SCFD2: variants seen among roughly 807,000 people sequenced by gnomAD.
The protein encoded by SCFD2 is sec1 family domain-containing protein 2.
SCFD2 carries 54 observed loss-of-function variants against 58.9 expected under a neutral mutation model. That is an observed-to-expected ratio of 0.92 (90% confidence interval 0.74 to 1.15). SCFD2 has a LOEUF of 1.15. SCFD2 is among the 50% of genes most tolerant of loss of function. The pLI is 0.00. For synonymous variants in SCFD2, 321 were observed against 335.9 expected (o/e 0.96, Z 0.49); for missense variants, 805 against 836.6 (o/e 0.96, Z 0.47).
intron 4 of SCFD2, among the ~76,000 whole-genome samples, chr4:53,207,514 ATT>A (rs1728451392): frequency 4.5e-5 from 2 of 44,522 alleles, no homozygotes; most frequent in South Asian, 9.0e-4. Context: ...TATTATATAT[ATT>A]ATATATATAA....
intron 4 of SCFD2, among the ~76,000 whole-genome samples, chr4:53,250,696 C>T (rs9684281): frequency 0.011 from 1,625 of 152,244 alleles, 33 homozygotes; most frequent in East Asian, 0.05. Context: ...TTGAAACCAA[C>T]GACAACAAAG....
intron 4 of SCFD2, among the ~76,000 whole-genome samples, chr4:53,251,548 C>T (rs539774347): frequency 1.3e-5 from 2 of 152,270 alleles, no homozygotes; most frequent in African/African-American, 4.8e-5. Flanking sequence ...ATCAAATGGG[C>T]TTCATCCCTG....
chr4:53,009,748 A>G (rs1347198381), intron 5 of SCFD2, among the ~76,000 whole-genome samples: 3 of 152,092 alleles, frequency 2.0e-5, no homozygotes, highest in Admixed American at 2.0e-4. Context: ...GAGCTCTCCC[A>G]CTATCACCCC....
At chr4:53,360,783 G>A (rs891350346) in intron 1 of SCFD2, among the ~76,000 whole-genome samples, 9 of 152,136 alleles carry the variant, frequency 5.9e-5, no homozygotes, top group African/African-American at 2.2e-4. Flanking sequence ...TGTATTTGAG[G>A]AATACCTCAA....
At chr4:53,254,456 G>T (rs1289662393) in intron 4 of SCFD2, among the ~76,000 whole-genome samples, 1 of 151,868 alleles carries the variant, frequency 6.6e-6, no homozygotes, top group Non-Finnish European at 1.5e-5. Context: ...ATGTGGAACT[G>T]TGAGTCAATT....
intron 2 of SCFD2, among the ~76,000 whole-genome samples, 167 bp downstream of exon 2, chr4:53,352,431 G>A (rs76566056): frequency 0.018 from 2,729 of 152,226 alleles, 85 homozygotes; most frequent in African/African-American, 0.062. Flanking sequence ...TAGTGGATGT[G>A]GTTATTTCAA....
At chr4:52,932,729 G>T (rs1720027665) in intron 5 of SCFD2, among the ~76,000 whole-genome samples, 1 of 151,866 alleles carries the variant, frequency 6.6e-6, no homozygotes, top group African/African-American at 2.4e-5. Flanking sequence ...ATCAAATGAG[G>T]CCCCCACTTT....
At chr4:53,049,121 A>T (rs1252915277) in intron 5 of SCFD2, among the ~76,000 whole-genome samples, 1 of 152,190 alleles carries the variant, frequency 6.6e-6, no homozygotes, top group Non-Finnish European at 1.5e-5. Context: ...GTTTAACACA[A>T]GAGACTTCAC....
At chr4:53,267,598 G>A (rs1017134912) in intron 4 of SCFD2, among the ~76,000 whole-genome samples, 1 of 152,084 alleles carries the variant, frequency 6.6e-6, no homozygotes, top group Non-Finnish European at 1.5e-5. Flanking sequence ...AGATTGGGCG[G>A]AGGCAAAGGG....
chr4:53,346,930 C>T (rs1260099607), intron 2 of SCFD2, among the ~76,000 whole-genome samples: 3 of 152,140 alleles, frequency 2.0e-5, no homozygotes, highest in Admixed American at 1.3e-4. Flanking sequence ...TTTTTAATAA[C>T]AAATAACTTT....
chr4:52,948,564 C>T (rs1720501908), intron 5 of SCFD2: 1 of 455,848 alleles, frequency 2.2e-6, no homozygotes, highest in Non-Finnish European at 4.4e-6. Flanking sequence ...TAAGTCAGTG[C>T]TAATATTCTG....
intron 7 of SCFD2, among the ~76,000 whole-genome samples, chr4:52,898,365 T>C (rs2109460932): frequency 6.6e-6 from 1 of 152,354 alleles, no homozygotes; most frequent in African/African-American, 2.4e-5. Flanking sequence ...TTTGTTCTCA[T>C]TGGTTTCAAA....
chr4:53,363,324 T>A (rs1734599912), intron 1 of SCFD2, among the ~76,000 whole-genome samples: 1 of 151,812 alleles, frequency 6.6e-6, no homozygotes, highest in African/African-American at 2.4e-5. Context: ...AATTTTTAAA[T>A]TTTCTGTAGA....
intron 3 of SCFD2, among the ~76,000 whole-genome samples, chr4:53,300,368 C>G (rs1282067080): frequency 1.3e-5 from 2 of 152,070 alleles, no homozygotes; most frequent in African/African-American, 4.8e-5. Context: ...TTACATAAGG[C>G]TAAAGGTATC....
Position 52,952,449 on chromosome 4 carries a change from G to A in SCFD2, c.1562-31579C>T, listed in dbSNP as rs2109531647. On this transcript the variant is annotated intron_variant, in intron 5 of 8. Transcript: ENST00000401642. ...GAATAGCTTCAGACTTGGCACCTTA[G>A]AAAGGCTGACAGCTCCTGAGAGAGA... Among the ~76,000 whole-genome samples the A allele has an allele frequency of 1.3e-5, 2 of 152,208 alleles. 1 individual carries two copies. Among genetic ancestry groups the A allele is most frequent in the South Asian group, 4.2e-4 (2 of 4,818 alleles).
chr4:53,338,569 A>ATTTTTCT lies in SCFD2; in HGVS notation c.1007+14022_1007+14028dup, dbSNP rs1733751794. On this transcript the variant is annotated intron_variant, in intron 2 of 8. Coordinates refer to ENST00000401642, the MANE Select transcript of SCFD2 (RefSeq NM_152540.4). Reference sequence around the variant, plus strand: ...GATGGAGGCCAAAAGAAAGCAGTATATTTTTCTTTTTTTTTTTTTTTTTTT... The same window carrying ATTTTTCT: ...GATGGAGGCCAAAAGAAAGCAGTATATTTTTCTTTTTTCTTTTTTTTTTTTTTTTTTT... 1.2e-4 allele frequency among the ~76,000 whole-genome samples: 7 copies of ATTTTTCT among 58,440 alleles called. No individual in the cohort carries two copies. The South Asian group carries it at 2.7e-3, about 23-fold the overall frequency. The allele number at this position is 58,440 out of a possible 152,430, so 38.3% of individuals were successfully genotyped here.
chr4:53,336,073 T>C (rs1733674627), intron 2 of SCFD2, among the ~76,000 whole-genome samples: 1 of 152,192 alleles, frequency 6.6e-6, no homozygotes. Context: ...AATTCTAGAT[T>C]GTATAAAGCC....
chr4:53,360,752 C>T (rs1319565242), intron 1 of SCFD2, among the ~76,000 whole-genome samples: 4 of 152,158 alleles, frequency 2.6e-5, no homozygotes, highest in Non-Finnish European at 4.4e-5. Flanking sequence ...AAGAAGGAAG[C>T]GGAGTCTTTA....
intron 5 of SCFD2, among the ~76,000 whole-genome samples, chr4:53,049,856 G>T (rs189974139): frequency 6.6e-6 from 1 of 152,044 alleles, no homozygotes; most frequent in Non-Finnish European, 1.5e-5. Flanking sequence ...AGGTCATTTT[G>T]TTGATGTTTT....
Sources: gnomAD v4.1 joint callset for allele counts (sites outside exome capture counted in the v4.1 genomes callset) on GRCh38, gnomAD v4.1.1 for gene constraint, MANE v1.5 for transcripts, NCBI Gene and HGNC (gene_info 2026-07-23, HGNC 2026-07-21) for gene names.